Variants in AKAP5 observed in about 807,000 individuals in gnomAD.
The protein encoded by AKAP5 is A-kinase anchor protein 5.
Under a neutral mutation model 13.8 loss-of-function variants are expected in AKAP5, and 5 were observed. The observed-to-expected ratio is 0.36, with a 90% CI of 0.19 to 0.76. The LOEUF is 0.76. Ranked by LOEUF, AKAP5 falls within the 30% of genes least tolerant of loss-of-function variation. The pLI, the probability that AKAP5 is intolerant of heterozygous loss-of-function variation, is 0.51. For synonymous variants in AKAP5, 148 were observed against 167.2 expected (o/e 0.89, Z 0.89); for missense variants, 406 against 484.4 (o/e 0.84, Z 1.52).
chr14:64,466,445 T>A (rs1169022822), intron 1 of AKAP5, among the ~76,000 whole-genome samples: 1 of 152,228 alleles, frequency 6.6e-6, no homozygotes, highest in Non-Finnish European at 1.5e-5. Flanking sequence ...AATATTTCTA[T>A]TATGTGGTAA....
rs1201311514 is a variant in AKAP5, at chr14:64,472,780, T to A, written c.*3102T>A. The A allele has an allele frequency of 1.2e-5, 2 of 166,944 alleles. No homozygotes were observed. The highest frequency in any genetic ancestry group is 3.8e-4 in the East Asian group (2 of 5,198). 10.3% of individuals were successfully genotyped at this position (166,944 alleles called of 1,614,324 possible). On this transcript the variant is annotated 3_prime_UTR_variant, in exon 2 of 2. Transcript: ENST00000394718. Reference sequence around the variant, plus strand: ...CAGATGGCTTCAGAGTCATAAAATATTTTTCTTGTAATAGTATTTAAGCAA... The same window carrying A: ...CAGATGGCTTCAGAGTCATAAAATAATTTTCTTGTAATAGTATTTAAGCAA...
chr14:64,468,754 GGCAAAATCTAGACTTAAGATTCCCT>G lies in AKAP5; in HGVS notation c.364_388del (p.Lys122Ter). On this transcript the variant is annotated frameshift_variant, in exon 2 of 2. Transcript: ENST00000394718. LOFTEE classifies it low-confidence loss of function (END_TRUNC). ...AGGATGCTGATCTTTCTAAGAAAAA[GGCAAAATCTAGACTTAAGATTCCCT>G]GCATAAAATTCCCAAGAGGGCCAAA... The G allele has an allele frequency of 6.2e-7, 1 of 1,614,162 alleles. No homozygotes were observed. Among genetic ancestry groups the G allele is most frequent in the Non-Finnish European group, 8.5e-7 (1 of 1,180,034 alleles).
At chr14:64,466,515 T>G (rs2078615030) in intron 1 of AKAP5, among the ~76,000 whole-genome samples, 1 of 152,208 alleles carries the variant, frequency 6.6e-6, no homozygotes, top group African/African-American at 2.4e-5. Flanking sequence ...GTGAGAAGAT[T>G]TAAACAGTTA....
Sources: allele counts gnomAD v4.1 joint callset (sites outside exome capture counted in the v4.1 genomes callset), GRCh38; gene constraint gnomAD v4.1.1; transcripts MANE v1.5; gene names NCBI Gene and HGNC (gene_info 2026-07-23, HGNC 2026-07-21).